The following SEPTIN7 variants were observed in gnomAD, a reference collection of about 807,000 sequenced individuals.
SEPTIN7 encodes the protein septin 7, also known as septin-7.
SEPTIN7 carries 10 observed loss-of-function variants against 63.3 expected under a neutral mutation model. The observed-to-expected ratio is 0.16, with a 90% CI of 0.10 to 0.27. SEPTIN7 has a LOEUF of 0.27. SEPTIN7 is among the 10% of genes least tolerant of loss of function. The probability of loss-of-function intolerance (pLI) is 1.00; values close to 1 mark genes in which losing one functional copy is unlikely to be tolerated. For synonymous variants in SEPTIN7, 131 were observed against 165.3 expected, an observed-to-expected ratio of 0.79 and a Z score of 1.59; for missense variants, 310 against 521.0, an observed-to-expected ratio of 0.59 and a Z score of 3.94.
Position 35,906,111 on chromosome 7 carries a change from G to C in SEPTIN7, c.*1818G>C, listed in dbSNP as rs1181980671. 6.6e-6 allele frequency: 1 copy of C among 152,122 alleles called. No individual in the cohort carries two copies. Among genetic ancestry groups the C allele is most frequent in the Non-Finnish European group, 1.5e-5 (1 of 68,022 alleles). The allele number at this position is 152,122 out of a possible 1,614,324, so 9.4% of individuals were successfully genotyped here. A position where few individuals can be genotyped will look rare whatever the true frequency, so the allele number is the denominator to read the frequency against. On this transcript the variant is annotated 3_prime_UTR_variant, in exon 14 of 14. Transcript: ENST00000350320. ...TTAGGGAGGCTAACAATAACCTACT[G>C]AATTTGGAAAATGCAAAGGTAAAAA...
At chr7:35,860,391 T>A (rs930987659) in intron 3 of SEPTIN7, among the ~76,000 whole-genome samples, 1 of 152,182 alleles carries the variant, frequency 6.6e-6, no homozygotes, top group African/African-American at 2.4e-5. Flanking sequence ...AAACCAAAAT[T>A]ATAATAATAC....
At chr7:35,857,301 T>G (rs1368087374) in intron 3 of SEPTIN7, among the ~76,000 whole-genome samples, 2 of 152,220 alleles carry the variant, frequency 1.3e-5, no homozygotes, top group Non-Finnish European at 2.9e-5. Context: ...TATTTTTTTC[T>G]TGGCCAAATG....
intron 2 of SEPTIN7, 188 bp from the exon 3 acceptor site, chr7:35,832,610 T>G: frequency 1.9e-6 from 1 of 515,692 alleles, no homozygotes; most frequent in East Asian, 3.7e-5. Flanking sequence ...ATATTGTCAG[T>G]CAACTCATGC....
At chr7:35,812,140 A>C (rs1204696569) in intron 1 of SEPTIN7, 9 of 193,504 alleles carry the variant, frequency 4.7e-5, no homozygotes, top group East Asian at 1.7e-4. Context: ...AAAAAAAAAA[A>C]AACAAAAAAA....
chr7:35,801,374 G>A (rs1331111547), intron 1 of SEPTIN7, 104 bp downstream of exon 1: 1 of 1,394,540 alleles, frequency 7.2e-7, no homozygotes. Flanking sequence ...AGGCGAGGCG[G>A]AGGCAGCGGC....
intron 7 of SEPTIN7, among the ~76,000 whole-genome samples, chr7:35,880,885 G>T (rs1562572580): frequency 6.6e-6 from 1 of 151,838 alleles, no homozygotes; most frequent in South Asian, 2.1e-4. Flanking sequence ...AATTGTGTTT[G>T]GTTCGTTATA....
intron 1 of SEPTIN7, among the ~76,000 whole-genome samples, chr7:35,814,853 T>C (rs1176407313): frequency 6.6e-6 from 1 of 151,914 alleles, no homozygotes; most frequent in East Asian, 1.9e-4. Context: ...CAGGCGCCTG[T>C]AGTCCCAGCT....
downstream of SEPTIN7, among the ~76,000 whole-genome samples, chr7:35,909,524 C>T (rs78451087): frequency 2.0e-5 from 3 of 152,242 alleles, no homozygotes; most frequent in East Asian, 1.9e-4. Context: ...CCACCAAATG[C>T]GAATGTTTTA....
intron 3 of SEPTIN7, among the ~76,000 whole-genome samples, chr7:35,845,190 C>T (rs1418463067): frequency 6.6e-6 from 1 of 152,022 alleles, no homozygotes; most frequent in Non-Finnish European, 1.5e-5. Context: ...CCCTGCCTCA[C>T]AGAGGGCTTG....
chr7:35,840,871 T>G (rs192784954), intron 3 of SEPTIN7, among the ~76,000 whole-genome samples: 39 of 152,304 alleles, frequency 2.6e-4, no homozygotes, highest in Admixed American at 1.8e-3. Flanking sequence ...AAAGGAGACT[T>G]TACAGCTAAA....
intron 1 of SEPTIN7, among the ~76,000 whole-genome samples, chr7:35,828,241 G>A (rs1783618420): frequency 1.3e-5 from 2 of 152,096 alleles, no homozygotes; most frequent in Admixed American, 1.3e-4. Flanking sequence ...TTATCAGTAT[G>A]TCTGTTTCTG....
chr7:35,886,204 A>G (rs1417864724), intron 10 of SEPTIN7, among the ~76,000 whole-genome samples: 1 of 152,222 alleles, frequency 6.6e-6, no homozygotes, highest in Non-Finnish European at 1.5e-5. Flanking sequence ...TGTGAAAACT[A>G]TATAAGAGAA....
intron 1 of SEPTIN7, among the ~76,000 whole-genome samples, chr7:35,804,479 CA>C (rs993710784): frequency 6.6e-6 from 1 of 152,192 alleles, no homozygotes; most frequent in African/African-American, 2.4e-5. Flanking sequence ...ACACTTGGTG[CA>C]GTCCAGCTAT....
Position 35,906,469 on chromosome 7 carries a change from T to TCTAC in SEPTIN7, c.*2176_*2177insCTAC, listed in dbSNP as rs1788612898. On this transcript the variant is annotated 3_prime_UTR_variant, in exon 14 of 14. Coordinates refer to ENST00000350320, the MANE Select transcript of SEPTIN7 (RefSeq NM_001788.6). ...GTAGGCCTAAGGAAAGGCCAGCCTGTAGAAAGCAAAATGGCAGTGTCTGTT... is the reference window on the plus strand; with the variant it reads ...GTAGGCCTAAGGAAAGGCCAGCCTGTCTACAGAAAGCAAAATGGCAGTGTCTGTT... The TCTAC allele has an allele frequency of 4.6e-5, 7 of 152,244 alleles. No individual in the cohort carries two copies. The highest frequency in any genetic ancestry group is 2.6e-4 in the Admixed American group (4 of 15,280). 9.4% of individuals were successfully genotyped at this position (152,244 alleles called of 1,614,324 possible).
the SEPTIN7 span, among the ~76,000 whole-genome samples, chr7:35,915,025 A>G: frequency 6.6e-6 from 1 of 151,840 alleles, no homozygotes; most frequent in African/African-American, 2.4e-5. Flanking sequence ...ATATATGTAT[A>G]CATGCACGTA....
downstream of SEPTIN7, among the ~76,000 whole-genome samples, chr7:35,910,234 A>G (rs1190430835): frequency 6.6e-6 from 1 of 152,222 alleles, no homozygotes; most frequent in Non-Finnish European, 1.5e-5. Flanking sequence ...AGTCCTGTTC[A>G]ATGCATGAAG....
At chr7:35,848,375 C>T (rs997164178) in intron 3 of SEPTIN7, among the ~76,000 whole-genome samples, 1 of 152,026 alleles carries the variant, frequency 6.6e-6, no homozygotes, top group African/African-American at 2.4e-5. Context: ...TCACGCCATT[C>T]TCCTGCCTCA....
At chr7:35,896,957 T>C (rs1258543556) in intron 11 of SEPTIN7, among the ~76,000 whole-genome samples, 6 of 152,246 alleles carry the variant, frequency 3.9e-5, no homozygotes, top group African/African-American at 1.2e-4. Flanking sequence ...TTTCTAACAT[T>C]TTCTATCTAG....
At chr7:35,812,894 C>A (rs1028495629) in intron 1 of SEPTIN7, among the ~76,000 whole-genome samples, 2 of 152,138 alleles carry the variant, frequency 1.3e-5, no homozygotes, top group East Asian at 3.8e-4. Flanking sequence ...TGGGCTCTAT[C>A]GGCAAGATTC....
Sources: gnomAD v4.1 joint callset for allele counts (sites outside exome capture counted in the v4.1 genomes callset) on GRCh38, gnomAD v4.1.1 for gene constraint, MANE v1.5 for transcripts, NCBI Gene and HGNC (gene_info 2026-07-23, HGNC 2026-07-21) for gene names.